ANO10: variants seen among roughly 807,000 people sequenced by gnomAD.
ANO10 encodes anoctamin 10.
ANO10 carries 77 observed loss-of-function variants against 74.7 expected under a neutral mutation model. That is an observed-to-expected ratio of 1.03 (90% confidence interval 0.86 to 1.25). The LOEUF is 1.25. Among genes scored for constraint, ANO10 ranks in the 50% most tolerant of loss-of-function variants. The probability of loss-of-function intolerance (pLI) is 0.00; values close to 1 mark genes in which losing one functional copy is unlikely to be tolerated. For synonymous variants in ANO10, 279 were observed against 284.9 expected (o/e 0.98, Z 0.21); for missense variants, 721 against 778.1 (o/e 0.93, Z 0.87).
chr3:43,561,696 T>C (rs1458143633), intron 8 of ANO10, among the ~76,000 whole-genome samples: 1 of 152,152 alleles, frequency 6.6e-6, no homozygotes, highest in African/African-American at 2.4e-5. Flanking sequence ...AACTGGTCAA[T>C]TAAACAGTCC....
chr3:43,381,370 A>T (rs939905856), intron 12 of ANO10, among the ~76,000 whole-genome samples: 2 of 152,202 alleles, frequency 1.3e-5, no homozygotes, highest in Admixed American at 6.5e-5. Flanking sequence ...AAGGGGTGGA[A>T]AAAGATATTC....
chr3:43,432,577 G>T, intron 12 of ANO10, 34 bp downstream of exon 12: 1 of 1,470,736 alleles, frequency 6.8e-7, no homozygotes, highest in Non-Finnish European at 9.5e-7. Context: ...ATTTGCTAAA[G>T]CAATACATAC....
At chr3:43,620,189 A>G (rs963934967) in intron 1 of ANO10, among the ~76,000 whole-genome samples, 4 of 152,214 alleles carry the variant, frequency 2.6e-5, no homozygotes, top group Non-Finnish European at 5.9e-5. Context: ...ATTTAAAAAA[A>G]GAATGAATCC....
chr3:43,526,010 T>C (rs2078180785), intron 11 of ANO10, among the ~76,000 whole-genome samples: 1 of 152,240 alleles, frequency 6.6e-6, no homozygotes, highest in Non-Finnish European at 1.5e-5. Flanking sequence ...CAACATTTAA[T>C]ATATTCTAGC....
At chr3:43,621,573 T>C (rs1239175731) in intron 1 of ANO10, among the ~76,000 whole-genome samples, 1 of 152,036 alleles carries the variant, frequency 6.6e-6, no homozygotes, top group African/African-American at 2.4e-5. Flanking sequence ...ACATCCTCCA[T>C]CCTGACTTCA....
chr3:43,563,869 G>C (rs2080176425), intron 8 of ANO10, among the ~76,000 whole-genome samples: 1 of 151,990 alleles, frequency 6.6e-6, no homozygotes, highest in African/African-American at 2.4e-5. Context: ...GGGGAGAGGA[G>C]GATAAAGAGA....
Position 43,388,498 on chromosome 3 carries a change from T to A in ANO10, c.1915-21524A>T, listed in dbSNP as rs541646587. ...CATTCCGAAGGCTCTTTTGTTTTCT[T>A]ACCAAGATAATGGAAATATAACTGC... On this transcript the variant is annotated intron_variant, in intron 12 of 12. Coordinates refer to ENST00000292246, the MANE Select transcript of ANO10 (RefSeq NM_018075.5). Among the ~76,000 whole-genome samples, 31 of 152,270 alleles carry A rather than the reference T, an allele frequency of 2.0e-4. 1 individual carries two copies. In the South Asian group the frequency reaches 6.4e-3, roughly 32 times the overall value.
chr3:43,626,345 A>G (rs1575569190), upstream of ANO10, among the ~76,000 whole-genome samples: 1 of 144,364 alleles, frequency 6.9e-6, no homozygotes, highest in African/African-American at 2.6e-5. Flanking sequence ...CCCAGGCTGG[A>G]GTACAGTGGT....
At chr3:43,562,007 C>T (rs1344659674) in intron 8 of ANO10, among the ~76,000 whole-genome samples, 3 of 152,134 alleles carry the variant, frequency 2.0e-5, no homozygotes, top group African/African-American at 4.8e-5. Flanking sequence ...TACATACCCT[C>T]ACTACAAAAA....
chr3:43,550,242 C>G (rs2079397537), intron 10 of ANO10, among the ~76,000 whole-genome samples: 2 of 152,170 alleles, frequency 1.3e-5, no homozygotes, highest in African/African-American at 4.8e-5. Context: ...GTGAAACCAT[C>G]CTTCTACTTT....
intron 4 of ANO10, 54 bp downstream of exon 4, chr3:43,598,478 A>G (rs1246120071): frequency 1.9e-6 from 3 of 1,574,616 alleles, no homozygotes; most frequent in Non-Finnish European, 2.6e-6. Context: ...AAAGGCATCT[A>G]TAATTTGCTA....
chr3:43,533,766 T>C (rs1575362449), intron 11 of ANO10, among the ~76,000 whole-genome samples: 1 of 152,364 alleles, frequency 6.6e-6, no homozygotes, highest in Middle Eastern at 3.4e-3. Flanking sequence ...TCTCTTATTC[T>C]GAAAAGGTCA....
At chr3:43,442,766 A>G (rs1259615854) in intron 11 of ANO10, among the ~76,000 whole-genome samples, 2 of 152,226 alleles carry the variant, frequency 1.3e-5, no homozygotes, top group Non-Finnish European at 1.5e-5. Context: ...ATTCCTTGCA[A>G]CATGAAAAGC....
chr3:43,687,039 T>C lies in ANO10; in HGVS notation c.-12+4478A>G, dbSNP rs542624629. On this transcript the variant is annotated intron_variant, in intron 1 of 3. Transcript: ENST00000413397. ...TTTTTTGAGAAGTCACTACAGCTGA[T>C]TGATGTTCAGGCCCTTCCCTTGACC... 3.3e-5 allele frequency among the ~76,000 whole-genome samples: 5 copies of C among 151,976 alleles called. No homozygotes were observed. In the South Asian group the frequency reaches 8.3e-4, roughly 25 times the overall value.
intron 11 of ANO10, among the ~76,000 whole-genome samples, chr3:43,519,061 T>G (rs2077835000): frequency 6.6e-6 from 1 of 152,148 alleles, no homozygotes; most frequent in Non-Finnish European, 1.5e-5. Context: ...TGACATGTGA[T>G]GTCTCCCCCG....
intron 12 of ANO10, among the ~76,000 whole-genome samples, chr3:43,384,948 C>T (rs1314398855): frequency 6.6e-6 from 1 of 152,098 alleles, no homozygotes; most frequent in Non-Finnish European, 1.5e-5. Flanking sequence ...AAAGCTTCTG[C>T]ACAGCAAAAG....
At chr3:43,467,416 A>T (rs2149044344) in intron 11 of ANO10, among the ~76,000 whole-genome samples, 1 of 152,388 alleles carries the variant, frequency 6.6e-6, no homozygotes, top group Non-Finnish European at 1.5e-5. Context: ...ATTTAGCAAT[A>T]TAAAGCAACA....
rs554255406 is a variant in ANO10, at chr3:43,592,264, C to T, written c.472+6268G>A. On this transcript the variant is annotated intron_variant, in intron 4 of 12. Transcript: ENST00000292246. ...GAAGAGAGTAGTGGTTCTCCCAGCA[C>T]GCAGCTGGAGATCTGAGAACGGACA... Among the ~76,000 whole-genome samples, 4 of 152,310 alleles carry T rather than the reference C, an allele frequency of 2.6e-5. No homozygotes were observed. In the East Asian group the frequency reaches 5.8e-4, roughly 22 times the overall value.
At chr3:43,375,172 G>A (rs1393023654) in intron 12 of ANO10, among the ~76,000 whole-genome samples, 3 of 151,568 alleles carry the variant, frequency 2.0e-5, no homozygotes, top group African/African-American at 7.3e-5. Context: ...TTGGGTGGGC[G>A]CAGTGGCTCA....
Sources: gnomAD v4.1 joint callset for allele counts (sites outside exome capture counted in the v4.1 genomes callset) on GRCh38, gnomAD v4.1.1 for gene constraint, MANE v1.5 for transcripts, NCBI Gene and HGNC (gene_info 2026-07-23, HGNC 2026-07-21) for gene names.